ROBO2: variants seen among roughly 807,000 people sequenced by gnomAD.
ROBO2 encodes the protein roundabout homolog 2.
A neutral mutation model predicts 160.8 loss-of-function variants in ROBO2; 53 were observed. The observed-to-expected ratio is 0.33, with a 90% CI of 0.26 to 0.41. The LOEUF (loss-of-function observed/expected upper bound fraction) is 0.41. Among genes scored for constraint, ROBO2 ranks in the 10% least tolerant of loss-of-function variants. The pLI, the probability that ROBO2 is intolerant of heterozygous loss-of-function variation, is 1.00. For synonymous variants in ROBO2, 664 were observed against 611.7 expected (o/e 1.09, Z -1.26); for missense variants, 1,577 against 1,722.4 (o/e 0.92, Z 1.49).
In ROBO2 at chr3:76,803,165, A is replaced by G. The variant is rs567648699; in HGVS notation, c.110-294849A>G. Among the ~76,000 whole-genome samples, 10 of 152,312 alleles carry G rather than the reference A, an allele frequency of 6.6e-5. 1 individual carries two copies. Among genetic ancestry groups the G allele is most frequent in the African/African-American group, 2.2e-4 (9 of 41,560 alleles). On this transcript the variant is annotated intron_variant, in intron 2 of 26. Coordinates refer to the ROBO2 transcript ENST00000487694. ...ATTTGTATAATTTGTCTCTTACTTCATAAGAGAGACACCATGGTAAAAATG... is the reference window on the plus strand; with the variant it reads ...ATTTGTATAATTTGTCTCTTACTTCGTAAGAGAGACACCATGGTAAAAATG...
chr3:77,201,465 T>A (rs2082905957), intron 2 of ROBO2, among the ~76,000 whole-genome samples: 1 of 152,238 alleles, frequency 6.6e-6, no homozygotes, highest in Admixed American at 6.5e-5. Context: ...GTTATATTTA[T>A]GATGTTACTC....
At chr3:77,287,286 G>A (rs2060673622) in intron 2 of ROBO2, among the ~76,000 whole-genome samples, 1 of 148,192 alleles carries the variant, frequency 6.7e-6, no homozygotes, top group African/African-American at 2.4e-5. Context: ...ATTGCAACAT[G>A]CTTTTTAAAT....
At chr3:76,131,112 A>G (rs926930662) in intron 2 of ROBO2, among the ~76,000 whole-genome samples, 1 of 152,190 alleles carries the variant, frequency 6.6e-6, no homozygotes, top group Admixed American at 6.5e-5. Context: ...ATTAATGTGT[A>G]TAGTATGTTG....
intron 2 of ROBO2, among the ~76,000 whole-genome samples, chr3:76,058,957 T>C (rs1466603739): frequency 2.0e-5 from 3 of 151,530 alleles, no homozygotes; most frequent in Admixed American, 6.6e-5. Flanking sequence ...GCTTCACCCA[T>C]GTCCCTACAA....
intron 2 of ROBO2, among the ~76,000 whole-genome samples, chr3:76,724,933 T>C (rs879514920): frequency 4.6e-5 from 7 of 152,042 alleles, no homozygotes; most frequent in Non-Finnish European, 7.4e-5. Context: ...GGTGGAGTAA[T>C]TTGGCTGCAA....
At chr3:76,268,562 T>C (rs1457106132) in intron 2 of ROBO2, among the ~76,000 whole-genome samples, 1 of 152,086 alleles carries the variant, frequency 6.6e-6, no homozygotes, top group African/African-American at 2.4e-5. Context: ...AAAAGAAAGA[T>C]CTTCAGTGTC....
At chr3:77,624,735 T>G (rs2094972072) in intron 23 of ROBO2, among the ~76,000 whole-genome samples, 1 of 152,140 alleles carries the variant, frequency 6.6e-6, no homozygotes, top group African/African-American at 2.4e-5. Context: ...TGTGAATAAA[T>G]TAGTCATTAC....
At chr3:76,071,717 T>G (rs6780798) in intron 2 of ROBO2, among the ~76,000 whole-genome samples, 95,507 of 151,922 alleles carry the variant, frequency 0.63, 30,668 homozygotes, top group Middle Eastern at 0.76. Context: ...ACTAAGAGAA[T>G]TGGAAAACAC....
intron 2 of ROBO2, among the ~76,000 whole-genome samples, chr3:77,105,079 G>A (rs550736005): frequency 1.3e-5 from 2 of 151,988 alleles, no homozygotes; most frequent in Admixed American, 6.6e-5. Context: ...CTTCATTCTC[G>A]GGTTACTTTC....
intron 2 of ROBO2, among the ~76,000 whole-genome samples, chr3:77,306,384 A>G (rs2063093371): frequency 6.6e-6 from 1 of 152,166 alleles, no homozygotes; most frequent in African/African-American, 2.4e-5. Context: ...AAAGCATTCA[A>G]TTATTTGGGC....
At chr3:77,377,533 A>G (rs1280143653) in intron 2 of ROBO2, among the ~76,000 whole-genome samples, 2 of 152,228 alleles carry the variant, frequency 1.3e-5, no homozygotes, top group African/African-American at 2.4e-5. Flanking sequence ...TACATCTTGT[A>G]TACAAGTTGA....
rs976539498 is a variant in ROBO2, at chr3:77,596,702, A to G, written c.2806A>G (p.Asn936Asp). Residue 936 changes from asparagine to aspartate, a missense_variant, in exon 19 of 26, where the codon AAT (asparagine) becomes GAT (aspartate). Physicochemically the swap from Asn to Asp is conservative, Grantham distance 23. This residue lies in a region of ROBO2 where 637 missense variants were observed against 586.9 expected (regional missense o/e 1.09). Coordinates refer to ENST00000461745, the Ensembl canonical transcript of ROBO2. ...TTGGCCAGCCACGAGCTTGCCAGTA[A>G]ATAATAGCAACAGTGGCCCAAATGA... is the stretch of plus-strand genomic sequence containing the variant. 5 of 1,613,710 alleles carry G rather than the reference A, an allele frequency of 3.1e-6. No individual in the cohort carries two copies. In the Admixed American group the frequency reaches 8.3e-5, roughly 27 times the overall value.
intron 2 of ROBO2, among the ~76,000 whole-genome samples, chr3:77,439,120 A>G (rs1397113736): frequency 6.6e-6 from 1 of 152,066 alleles, no homozygotes; most frequent in African/African-American, 2.4e-5. Flanking sequence ...AATTATCATC[A>G]GCTTTAGCAG....
chr3:77,297,736 A>G (rs1466617440), intron 2 of ROBO2, among the ~76,000 whole-genome samples: 1 of 152,162 alleles, frequency 6.6e-6, no homozygotes, highest in Non-Finnish European at 1.5e-5. Flanking sequence ...GCTTTTCTAG[A>G]CGCTAGTTAA....
chr3:76,747,381 T>C (rs537267171), intron 2 of ROBO2, among the ~76,000 whole-genome samples: 2 of 152,286 alleles, frequency 1.3e-5, no homozygotes, highest in Admixed American at 6.5e-5. Flanking sequence ...TATATACTTA[T>C]CTTTCATAGA....
At chr3:77,048,418 C>A (rs766843008) in intron 1 of ROBO2, among the ~76,000 whole-genome samples, 1 of 152,022 alleles carries the variant, frequency 6.6e-6, no homozygotes, top group Non-Finnish European at 1.5e-5. Flanking sequence ...GTGAAAGGTG[C>A]GACGAATGAA....
chr3:77,180,416 C>CTCTCTCTCTCTCTCTATATATATATATA (rs1433740534), intron 2 of ROBO2, among the ~76,000 whole-genome samples: 12 of 90,720 alleles, frequency 1.3e-4, no homozygotes, highest in Middle Eastern at 0.01. Flanking sequence ...CTCTCTCTCT[C>CTCTCTCTCTCTCTCTATATATATATATA]TATATATATA....
chr3:76,336,156 A>G (rs1310370426), intron 2 of ROBO2, among the ~76,000 whole-genome samples: 2 of 152,218 alleles, frequency 1.3e-5, no homozygotes, highest in African/African-American at 4.8e-5. Context: ...ACAGTGACCT[A>G]AAATCTTGTT....
intron 1 of ROBO2, among the ~76,000 whole-genome samples, chr3:75,926,077 T>C (rs1947281315): frequency 6.6e-6 from 1 of 152,164 alleles, no homozygotes; most frequent in Admixed American, 6.5e-5. Context: ...CTGACAAATA[T>C]GATGGTCCTT....
Sources: allele counts gnomAD v4.1 joint callset (sites outside exome capture counted in the v4.1 genomes callset), GRCh38; gene constraint gnomAD v4.1.1; regional missense constraint gnomAD v4.1.1; transcripts MANE v1.5; gene names NCBI Gene and HGNC (gene_info 2026-07-23, HGNC 2026-07-21).